The following PRDM2 variants were observed in gnomAD, a reference collection of about 807,000 sequenced individuals.
The protein encoded by PRDM2 is PR domain zinc finger protein 2.
PRDM2 carries 30 observed loss-of-function variants against 130.0 expected under a neutral mutation model. That is an observed-to-expected ratio of 0.23 (90% CI 0.17 to 0.31). The LOEUF (loss-of-function observed/expected upper bound fraction) is 0.31, where lower values mean the gene tolerates loss of function less well. PRDM2 is among the 10% of genes least tolerant of loss of function. PRDM2 has a pLI of 1.00. For synonymous variants in PRDM2, 871 were observed against 782.4 expected, an observed-to-expected ratio of 1.11 and a Z score of -1.89; for missense variants, 2,011 against 2,108.4, an observed-to-expected ratio of 0.95 and a Z score of 0.90.
intron 6 of PRDM2, among the ~76,000 whole-genome samples, chr1:13,767,590 G>A (rs1048940574): frequency 9.9e-5 from 15 of 151,728 alleles, no homozygotes; most frequent in African/African-American, 3.2e-4. Context: ...ACAGGCATGA[G>A]CCACTGTGCC....
chr1:13,823,309 T>A lies in PRDM2; in HGVS notation c.*174T>A. 8.4e-7 allele frequency: 1 copy of A among 1,186,198 alleles called. No individual in the cohort carries two copies. Among genetic ancestry groups the A allele is most frequent in the Non-Finnish European group, 1.2e-6 (1 of 815,776 alleles). 73.5% of individuals were successfully genotyped at this position (1,186,198 alleles called of 1,614,324 possible). A position where few individuals can be genotyped will look rare whatever the true frequency, so the allele number is the denominator to read the frequency against. On this transcript the variant is annotated 3_prime_UTR_variant, in exon 10 of 10. Transcript: ENST00000311066. Reference sequence around the variant, plus strand: ...TGCGTGCGTGTGTGTTCACGTGTTCTCGTGCGGGCGCGTGAGTGGTCTTCA... The same window carrying A: ...TGCGTGCGTGTGTGTTCACGTGTTCACGTGCGGGCGCGTGAGTGGTCTTCA...
At chr1:13,808,477 A>C (rs186837088) in intron 8 of PRDM2, among the ~76,000 whole-genome samples, 7,670 of 151,696 alleles carry the variant, frequency 0.051, 257 homozygotes, top group East Asian at 0.073. Context: ...AAAAAAAAAA[A>C]AAAAAACAGT....
At chr1:13,700,687 C>A (rs769023751) in intron 1 of PRDM2, among the ~76,000 whole-genome samples, 109 of 152,140 alleles carry the variant, frequency 7.2e-4, no homozygotes, top group Middle Eastern at 3.4e-3. Flanking sequence ...GGCCGGGCGC[C>A]GTCCCAATTG....
intron 8 of PRDM2, among the ~76,000 whole-genome samples, chr1:13,810,208 G>A (rs891324008): frequency 1.3e-5 from 2 of 152,130 alleles, no homozygotes; most frequent in African/African-American, 4.8e-5. Flanking sequence ...CCCCAAGGAC[G>A]AAATTAAGCA....
chr1:13,782,169 T>G lies in PRDM2; in HGVS notation c.4374T>G (p.Pro1458=). The G allele has an allele frequency of 2.5e-6, 4 of 1,613,862 alleles. No individual in the cohort carries two copies. Among genetic ancestry groups the G allele is most frequent in the Non-Finnish European group, 3.4e-6 (4 of 1,179,992 alleles). ...GTGAGTCATCCTCTCACATCTGCCCTTACTGTAATCGAGAGTTCACTTACA... is the reference window on the plus strand; with the variant it reads ...GTGAGTCATCCTCTCACATCTGCCCGTACTGTAATCGAGAGTTCACTTACA... ...NACESSSHIC[P]YCNREFTYIG... The change falls in exon 8 of 10, where the codon CCT becomes CCG. Residue 1458 remains proline, a synonymous_variant. Coordinates refer to ENST00000311066, the MANE Select transcript of PRDM2 (RefSeq NM_001393986.1).
chr1:13,715,472 G>A, intron 1 of PRDM2, 69 bp from the exon 2 acceptor site: 1 of 661,734 alleles, frequency 1.5e-6, no homozygotes, highest in Non-Finnish European at 2.4e-6. Context: ...CTACAGTTCT[G>A]TATGTGGTTT....
chr1:13,779,140 C>G lies in PRDM2; in HGVS notation c.1345C>G (p.Pro449Ala). 6.2e-7 allele frequency: 1 copy of G among 1,614,150 alleles called. No homozygotes were observed. Among genetic ancestry groups the G allele is most frequent in the Non-Finnish European group, 8.5e-7 (1 of 1,180,048 alleles). Residue 449 changes from proline to alanine, a missense_variant, in exon 8 of 10, where the codon CCC (proline) becomes GCC (alanine). Physicochemically the swap from Pro to Ala is conservative, Grantham distance 27. This residue lies in a region of PRDM2 where 1,288 missense variants were observed against 1,237.7 expected (regional missense o/e 1.04). Coordinates refer to ENST00000311066, the MANE Select transcript of PRDM2 (RefSeq NM_001393986.1). The surrounding 1 kb of genome is among the most constrained non-coding windows in gnomAD (Gnocchi z 4.9). ...TGCTTCAAAAGATGATTCGAGTCCTCCCAGTCTTGGGCCAGACTGTCTGAT... is the reference window on the plus strand; with the variant it reads ...TGCTTCAAAAGATGATTCGAGTCCTGCCAGTCTTGGGCCAGACTGTCTGAT... Reference protein sequence around the residue: ...NVASKDDSSPPSLGPDCLIMN... With the variant: ...NVASKDDSSPASLGPDCLIMN...
intron 7 of PRDM2, chr1:13,773,667 T>G (rs1175483839): frequency 1.3e-5 from 2 of 151,990 alleles, no homozygotes; most frequent in Non-Finnish European, 2.9e-5. Context: ...TGAGCTGTGA[T>G]CCCCCCACTG....
chr1:13,800,904 C>T (rs1398922145), intron 8 of PRDM2, among the ~76,000 whole-genome samples: 1 of 152,132 alleles, frequency 6.6e-6, no homozygotes, highest in African/African-American at 2.4e-5. Flanking sequence ...CCCAGCTATA[C>T]GAAGTTGGCG....
At chr1:13,724,707 A>G (rs1003133272) in intron 2 of PRDM2, among the ~76,000 whole-genome samples, 1 of 151,914 alleles carries the variant, frequency 6.6e-6, no homozygotes, top group Non-Finnish European at 1.5e-5. Flanking sequence ...GTTGGCCAGG[A>G]TGGTCTCGAT....
Position 13,771,331 on chromosome 1 carries a change from T to G in PRDM2, c.512-1747T>G, listed in dbSNP as rs937439415. ...TGTGTGCTCGTTTTTTGAGTTCCAT[T>G]TTAAGTGCCTTTGGAAATGAATGGA... On this transcript the variant is annotated intron_variant, in intron 6 of 9. Transcript: ENST00000311066. The surrounding 1 kb of genome is among the most constrained non-coding windows in gnomAD (Gnocchi z 4.1). Among the ~76,000 whole-genome samples the G allele has an allele frequency of 5.3e-5, 8 of 152,162 alleles. No homozygotes were observed. The highest frequency in any genetic ancestry group is 1.9e-4 in the African/African-American group (8 of 41,430).
At position 13,778,415 on chromosome 1, in the gene PRDM2, T is replaced by C. The variant is rs1342324473; in HGVS notation, c.623-3T>C. The C allele has an allele frequency of 1.9e-6, 3 of 1,583,842 alleles. No individual in the cohort carries two copies. Among genetic ancestry groups the C allele is most frequent in the Non-Finnish European group, 2.6e-6 (3 of 1,168,432 alleles). On this transcript the variant is annotated splice_region_variant and splice_polypyrimidine_tract_variant and intron_variant, in intron 7 of 9. Transcript: ENST00000311066. ...CATGCTTCTGCTTCCATGTGCTTTC[T>C]AGGTCCTAAAGAAGACGAAGAGAAG...
At chr1:13,727,312 T>C (rs1569763356) in intron 2 of PRDM2, among the ~76,000 whole-genome samples, 1 of 152,264 alleles carries the variant, frequency 6.6e-6, no homozygotes, top group East Asian at 1.9e-4. Flanking sequence ...TGGAGTGCAG[T>C]GGCACGATCT....
chr1:13,778,469 C>G lies in PRDM2; in HGVS notation c.674C>G (p.Ala225Gly), dbSNP rs1387713986. Residue 225 changes from alanine to glycine, a missense_variant, in exon 8 of 10, where the codon GCC (alanine) becomes GGC (glycine). By Grantham distance (60) the Ala-to-Gly change is moderately conservative (BLOSUM62 0). Around this residue, in one of 5 missense-constraint regions of PRDM2, gnomAD observed 1,288 missense variants for 1,237.7 expected, o/e 1.04. Transcript: ENST00000311066. ...KPSASALEQP[A>G]TLQEVASQEV... ...TCAGCCTCAGCACTTGAGCAGCCGG[C>G]CACCCTCCAGGAGGTGGCCAGTCAG... 6.2e-7 allele frequency: 1 copy of G among 1,613,934 alleles called. No homozygotes were observed. Among genetic ancestry groups the G allele is most frequent in the Non-Finnish European group, 8.5e-7 (1 of 1,179,918 alleles).
intron 6 of PRDM2, among the ~76,000 whole-genome samples, chr1:13,756,653 T>A (rs1397193535): frequency 6.6e-6 from 1 of 152,230 alleles, no homozygotes; most frequent in Non-Finnish European, 1.5e-5. Context: ...TTTCATACAT[T>A]ACAAGAGTTC....
chr1:13,732,279 G>T (rs1643134875), intron 3 of PRDM2, among the ~76,000 whole-genome samples: 1 of 152,134 alleles, frequency 6.6e-6, no homozygotes, highest in African/African-American at 2.4e-5. Flanking sequence ...GCAGGAAAGG[G>T]TTTTCTACTT....
chr1:13,757,825 A>G (rs530017521), intron 6 of PRDM2, among the ~76,000 whole-genome samples: 4 of 140,670 alleles, frequency 2.8e-5, no homozygotes, highest in Admixed American at 1.5e-4. Context: ...AGGAATGCAC[A>G]TGAACTATTT....
In PRDM2 at chr1:13,781,198, G is replaced by A; in HGVS notation, c.3403G>A (p.Val1135Ile). 1 of 1,614,156 alleles carries A rather than the reference G, an allele frequency of 6.2e-7. No homozygotes were observed. Among genetic ancestry groups the A allele is most frequent in the African/African-American group, 1.3e-5 (1 of 75,030 alleles). The change falls in exon 8 of 10, where the codon GTT (valine) becomes ATT (isoleucine). Residue 1135 changes from valine (V) to isoleucine (I), a missense_variant. This residue lies in a region of PRDM2 where 229 missense variants were observed against 364.1 expected (regional missense o/e 0.63). Transcript: ENST00000311066. This position sits in a 1 kb window ranked among gnomAD's most constrained non-coding sequence, Gnocchi z 6.1. ...VVQETFNKNF[V>I]CNVCESPFLS... ...TCAGGAAACATTCAACAAAAACTTT[G>A]TTTGCAACGTCTGTGAATCACCTTT...
intron 1 of PRDM2, among the ~76,000 whole-genome samples, chr1:13,714,674 A>G (rs115567451): frequency 0.018 from 2,741 of 152,352 alleles, 63 homozygotes; most frequent in South Asian, 0.12. Context: ...TAATGTTACA[A>G]TGTAAGCAGA....
Sources: gnomAD v4.1 joint callset for allele counts (sites outside exome capture counted in the v4.1 genomes callset) on GRCh38, gnomAD v4.1.1 for gene constraint, gnomAD v4.1.1 regional missense constraint, Gnocchi (gnomAD v3.1) non-coding constraint, MANE v1.5 for transcripts, NCBI Gene and HGNC (gene_info 2026-07-23, HGNC 2026-07-21) for gene names.